The following NDUFAF2 variants were observed in gnomAD, a reference collection of about 807,000 sequenced individuals.
The protein encoded by NDUFAF2 is NADH dehydrogenase [ubiquinone] 1 alpha subcomplex assembly factor 2.
In NDUFAF2, 13 loss-of-function variants were observed where a neutral mutation model predicts 22.8. That is an observed-to-expected ratio of 0.57 (90% CI 0.37 to 0.91). NDUFAF2 has a LOEUF of 0.91. Ranked by LOEUF, NDUFAF2 falls within the 40% of genes least tolerant of loss-of-function variation. The pLI, the probability that NDUFAF2 is intolerant of heterozygous loss-of-function variation, is 0.01. For missense variants in NDUFAF2, 162 were observed against 195.2 expected, an observed-to-expected ratio of 0.83 and a Z score of 1.01; for synonymous variants, 53 against 64.2, an observed-to-expected ratio of 0.83 and a Z score of 0.84.
chr5:61,007,804 A>T (rs1157470189), intron 1 of NDUFAF2, among the ~76,000 whole-genome samples: 1 of 152,216 alleles, frequency 6.6e-6, no homozygotes. Flanking sequence ...ATTACTGGGT[A>T]TATACCCAAA....
rs145658611 is a variant in NDUFAF2 at position 60,990,478 on chromosome 5, G to A, written c.127+45096G>A. 4.0e-3 allele frequency among the ~76,000 whole-genome samples: 614 copies of A among 152,136 alleles called. 8 individuals are homozygous for A. The highest frequency in any genetic ancestry group is 0.014 in the African/African-American group (579 of 41,524). On this transcript the variant is annotated intron_variant, in intron 1 of 3. Transcript: ENST00000296597. ...ATGAGCAATTCATAAGGTATTAAAT[G>A]TAGAAGTAGAATATATAAATGTTAT...
intron 1 of NDUFAF2, among the ~76,000 whole-genome samples, chr5:60,984,199 G>T (rs1231387010): frequency 6.6e-6 from 1 of 152,136 alleles, no homozygotes; most frequent in Non-Finnish European, 1.5e-5. Context: ...TTGGCTGTTT[G>T]TCTGTTATTG....
chr5:61,110,798 T>C (rs993115024), intron 3 of NDUFAF2, among the ~76,000 whole-genome samples: 1 of 152,094 alleles, frequency 6.6e-6, no homozygotes, highest in Non-Finnish European at 1.5e-5. Context: ...TTCTTCATAT[T>C]GTTTTCTTCA....
chr5:61,130,627 C>T (rs2111812508), intron 3 of NDUFAF2, among the ~76,000 whole-genome samples: 1 of 152,194 alleles, frequency 6.6e-6, no homozygotes. Flanking sequence ...TACCTTCCCT[C>T]CCTCTAAATT....
At chr5:61,087,621 A>G (rs1752519787) in intron 2 of NDUFAF2, among the ~76,000 whole-genome samples, 1 of 152,138 alleles carries the variant, frequency 6.6e-6, no homozygotes, top group African/African-American at 2.4e-5. Context: ...TTAAACATAC[A>G]CACTTATCCT....
intron 1 of NDUFAF2, among the ~76,000 whole-genome samples, chr5:61,069,340 T>C (rs1157313502): frequency 6.6e-6 from 1 of 152,194 alleles, no homozygotes; most frequent in Non-Finnish European, 1.5e-5. Context: ...TATGTGTGGC[T>C]GGGCCTGTCT....
intron 1 of NDUFAF2, among the ~76,000 whole-genome samples, chr5:61,071,121 T>A (rs1278212304): frequency 6.6e-6 from 1 of 152,214 alleles, no homozygotes; most frequent in Non-Finnish European, 1.5e-5. Flanking sequence ...AACATACATG[T>A]ACATATATTG....
At chr5:61,000,872 T>C (rs1319150365) in intron 1 of NDUFAF2, among the ~76,000 whole-genome samples, 1 of 152,154 alleles carries the variant, frequency 6.6e-6, no homozygotes, top group Non-Finnish European at 1.5e-5. Flanking sequence ...AGAATAACAT[T>C]GAGAGATACT....
chr5:61,132,285 G>A (rs1440363080), intron 3 of NDUFAF2, among the ~76,000 whole-genome samples: 1 of 152,166 alleles, frequency 6.6e-6, no homozygotes, highest in African/African-American at 2.4e-5. Context: ...GAGTGATTGT[G>A]TACATGAATA....
intron 1 of NDUFAF2, among the ~76,000 whole-genome samples, chr5:61,052,535 C>A (rs1054419108): frequency 1.3e-5 from 2 of 152,144 alleles, no homozygotes; most frequent in African/African-American, 4.8e-5. Flanking sequence ...TGGTCTCGAT[C>A]TCCTGACCTC....
intron 1 of NDUFAF2, among the ~76,000 whole-genome samples, chr5:61,011,404 A>G (rs907552501): frequency 3.3e-5 from 5 of 152,128 alleles, no homozygotes; most frequent in Admixed American, 6.6e-5. Flanking sequence ...GGAGCAGCAG[A>G]TAATTCTTCC....
intron 2 of NDUFAF2, among the ~76,000 whole-genome samples, chr5:61,094,031 TTCTAG>T (rs1233901056): frequency 6.6e-6 from 1 of 152,152 alleles, no homozygotes; most frequent in Non-Finnish European, 1.5e-5. Context: ...CTTCTAGACT[TTCTAG>T]TTTATGTGGA....
intron 3 of NDUFAF2, among the ~76,000 whole-genome samples, chr5:61,111,734 T>TC (rs1752843312): frequency 6.6e-6 from 1 of 152,040 alleles, no homozygotes; most frequent in South Asian, 2.1e-4. Flanking sequence ...TTCTCCTGCC[T>TC]CAGCCTCCTG....
chr5:61,081,603 AT>A (rs1263554468), intron 2 of NDUFAF2, among the ~76,000 whole-genome samples: 1 of 152,220 alleles, frequency 6.6e-6, no homozygotes, highest in Admixed American at 6.5e-5. Flanking sequence ...ATATGAAGTT[AT>A]CCCAAGTAAC....
intron 3 of NDUFAF2, among the ~76,000 whole-genome samples, chr5:61,112,547 A>G (rs1752857878): frequency 6.6e-6 from 1 of 152,018 alleles, no homozygotes; most frequent in African/African-American, 2.4e-5. Context: ...CTTAAAATCT[A>G]TTTTGTCTGA....
At chr5:61,122,212 T>G (rs1352775755) in intron 3 of NDUFAF2, among the ~76,000 whole-genome samples, 3 of 152,190 alleles carry the variant, frequency 2.0e-5, no homozygotes, top group African/African-American at 7.2e-5. Context: ...TGGACTTGCC[T>G]TTCTCCATAA....
chr5:60,984,626 A>T (rs954319490), intron 1 of NDUFAF2, among the ~76,000 whole-genome samples: 1 of 152,168 alleles, frequency 6.6e-6, no homozygotes, highest in Non-Finnish European at 1.5e-5. Flanking sequence ...AATGTTGTCA[A>T]AGGCCTTTTC....
intron 2 of NDUFAF2, among the ~76,000 whole-genome samples, chr5:61,095,789 G>A (rs536144422): frequency 6.6e-6 from 1 of 152,178 alleles, no homozygotes; most frequent in Admixed American, 6.5e-5. Flanking sequence ...TTCCCTAGGT[G>A]GGGGAGGTTC....
At chr5:61,019,507 T>C (rs1751551712) in intron 1 of NDUFAF2, among the ~76,000 whole-genome samples, 1 of 152,066 alleles carries the variant, frequency 6.6e-6, no homozygotes, top group Non-Finnish European at 1.5e-5. Context: ...AAATATTCTT[T>C]TAAAAAATGC....
Sources: gnomAD v4.1 joint callset for allele counts (sites outside exome capture counted in the v4.1 genomes callset) on GRCh38, gnomAD v4.1.1 for gene constraint, MANE v1.5 for transcripts, NCBI Gene and HGNC (gene_info 2026-07-23, HGNC 2026-07-21) for gene names.